HDAC9: variants seen among roughly 807,000 people sequenced by gnomAD.
The protein encoded by HDAC9 is MEF-2 interacting transcription repressor (MITR) protein.
In HDAC9, 41 loss-of-function variants were observed where a neutral mutation model predicts 139.4. That is an observed-to-expected ratio of 0.29 (90% CI 0.23 to 0.38). The LOEUF (loss-of-function observed/expected upper bound fraction) is 0.38, where lower values mean the gene tolerates loss of function less well. Ranked by LOEUF, HDAC9 falls within the 10% of genes least tolerant of loss-of-function variation. The pLI is 1.00. For synonymous variants in HDAC9, 517 were observed against 476.2 expected, an observed-to-expected ratio of 1.09 and a Z score of -1.12; for missense variants, 1,147 against 1,297.0, an observed-to-expected ratio of 0.88 and a Z score of 1.78.
At chr7:18,147,568 GAAT>G (rs1219632100) in intron 1 of HDAC9, among the ~76,000 whole-genome samples, 1 of 151,634 alleles carries the variant, frequency 6.6e-6, no homozygotes, top group Non-Finnish European at 1.5e-5. Flanking sequence ...AGAAAAATAT[GAAT>G]AATAAATTTA....
chr7:18,707,027 C>A (rs1224648273), intron 12 of HDAC9, among the ~76,000 whole-genome samples: 1 of 151,962 alleles, frequency 6.6e-6, no homozygotes, highest in Admixed American at 6.6e-5. Flanking sequence ...GCACTGGTTA[C>A]CCCCAAGAAG....
At chr7:18,203,562 G>A (rs1209229897) in intron 2 of HDAC9, among the ~76,000 whole-genome samples, 1 of 152,088 alleles carries the variant, frequency 6.6e-6, no homozygotes, top group Non-Finnish European at 1.5e-5. Flanking sequence ...TGGTATATGT[G>A]GGTAGGCAAA....
At chr7:18,942,631 G>C (rs548926102) in intron 23 of HDAC9, among the ~76,000 whole-genome samples, 11 of 152,000 alleles carry the variant, frequency 7.2e-5, no homozygotes, top group Admixed American at 1.3e-4. Flanking sequence ...AATTTTCCCA[G>C]ATAATCAATA....
intron 14 of HDAC9, among the ~76,000 whole-genome samples, chr7:18,761,614 C>T (rs533807932): frequency 2.0e-4 from 31 of 152,204 alleles, no homozygotes; most frequent in African/African-American, 5.1e-4. Flanking sequence ...CAGATATTGA[C>T]GTGTTATTGA....
chr7:18,863,499 G>C (rs956926188), intron 21 of HDAC9, among the ~76,000 whole-genome samples: 10 of 152,088 alleles, frequency 6.6e-5, no homozygotes, highest in African/African-American at 2.4e-4. Flanking sequence ...TTTTATGTGT[G>C]GCCCAAGGCA....
At chr7:18,776,789 A>T (rs1790805385) in intron 16 of HDAC9, among the ~76,000 whole-genome samples, 1 of 151,854 alleles carries the variant, frequency 6.6e-6, no homozygotes, top group South Asian at 2.1e-4. Context: ...GAATAATAAG[A>T]TCCATACTGA....
At chr7:18,252,240 G>T (rs578084890) in intron 2 of HDAC9, among the ~76,000 whole-genome samples, 91 of 152,282 alleles carry the variant, frequency 6.0e-4, no homozygotes, top group African/African-American at 2.1e-3. Flanking sequence ...CTCAAGTCCT[G>T]AAGTGGGGCA....
intron 2 of HDAC9, among the ~76,000 whole-genome samples, chr7:18,224,636 G>A (rs189689541): frequency 3.2e-4 from 49 of 152,064 alleles, no homozygotes; most frequent in African/African-American, 1.2e-3. Flanking sequence ...TTCACATGGA[G>A]GCTCTTTCCT....
intron 1 of HDAC9, among the ~76,000 whole-genome samples, chr7:18,364,137 C>A (rs1405056223): frequency 6.6e-6 from 1 of 152,046 alleles, no homozygotes; most frequent in East Asian, 1.9e-4. Context: ...GCAAAGTTGG[C>A]GTCACTGACT....
chr7:18,837,855 C>A (rs1014991228), intron 21 of HDAC9, among the ~76,000 whole-genome samples: 5 of 152,016 alleles, frequency 3.3e-5, no homozygotes, highest in Non-Finnish European at 7.4e-5. Flanking sequence ...TGAAGTACTC[C>A]TGAATGGGGT....
chr7:18,273,031 C>T (rs1796473422), intron 2 of HDAC9, among the ~76,000 whole-genome samples: 1 of 140,738 alleles, frequency 7.1e-6, no homozygotes, highest in African/African-American at 2.6e-5. Context: ...TCCTCCTCTT[C>T]CTCTTCCCCT....
At chr7:18,576,349 T>C (rs1383887177) in intron 2 of HDAC9, among the ~76,000 whole-genome samples, 4 of 152,144 alleles carry the variant, frequency 2.6e-5, no homozygotes, top group African/African-American at 7.2e-5. Flanking sequence ...CAGAGAGACC[T>C]TGATGGCTTC....
intron 1 of HDAC9, among the ~76,000 whole-genome samples, chr7:18,471,909 G>GA (rs913671691): frequency 1.7e-4 from 26 of 149,192 alleles, no homozygotes; most frequent in African/African-American, 3.4e-4. Context: ...GTGCCTTTAA[G>GA]AAAAAAAAAA....
chr7:18,811,165 G>C (rs1794143415), intron 17 of HDAC9, among the ~76,000 whole-genome samples: 1 of 151,770 alleles, frequency 6.6e-6, no homozygotes, highest in African/African-American at 2.4e-5. Flanking sequence ...AGTCTGGCTA[G>C]AGGTTTATCA....
intron 22 of HDAC9, among the ~76,000 whole-genome samples, chr7:18,913,712 C>T (rs1802936991): frequency 6.6e-6 from 1 of 150,804 alleles, no homozygotes; most frequent in Non-Finnish European, 1.5e-5. Flanking sequence ...AAGTTAAAAC[C>T]CTAGAAGATA....
chr7:18,967,992 G>A (rs1783989258), intron 24 of HDAC9, among the ~76,000 whole-genome samples: 1 of 151,704 alleles, frequency 6.6e-6, no homozygotes, highest in South Asian at 2.1e-4. Context: ...GAGAAACCCG[G>A]TCTCTACTAA....
At chr7:18,986,644 CT>C (rs1482594359) in intron 25 of HDAC9, among the ~76,000 whole-genome samples, 1 of 151,598 alleles carries the variant, frequency 6.6e-6, no homozygotes, top group Non-Finnish European at 1.5e-5. Context: ...GGCATTGAAT[CT>C]GTAAATTACC....
chr7:18,576,270 C>T (rs1243271080), intron 2 of HDAC9, among the ~76,000 whole-genome samples: 1 of 152,072 alleles, frequency 6.6e-6, no homozygotes, highest in Non-Finnish European at 1.5e-5. Flanking sequence ...ATGTTAGAGA[C>T]GGAGGCTCCA....
At chr7:18,510,881 C>A (rs900552287) in intron 2 of HDAC9, among the ~76,000 whole-genome samples, 4 of 152,092 alleles carry the variant, frequency 2.6e-5, no homozygotes, top group African/African-American at 9.7e-5. Context: ...AGATATAAAT[C>A]TTTCAGGGTA....
Sources: gnomAD v4.1 joint callset for allele counts (sites outside exome capture counted in the v4.1 genomes callset) on GRCh38, gnomAD v4.1.1 for gene constraint, MANE v1.5 for transcripts, NCBI Gene and HGNC (gene_info 2026-07-23, HGNC 2026-07-21) for gene names.